Variants in PCDH15 observed in about 807,000 individuals in gnomAD.
The protein encoded by PCDH15 is protocadherin related 15.
PCDH15 carries 129 observed loss-of-function variants against 178.5 expected under a neutral mutation model. The ratio of observed to expected loss-of-function variants is 0.72; its 90% confidence interval spans 0.63 to 0.84. The LOEUF (loss-of-function observed/expected upper bound fraction) is 0.84. PCDH15 is among the 40% of genes least tolerant of loss of function. The probability of loss-of-function intolerance (pLI) is 0.00; values close to 1 mark genes in which losing one functional copy is unlikely to be tolerated. For missense variants in PCDH15, 2,230 were observed against 2,099.9 expected (o/e 1.06, Z -1.21); for synonymous variants, 800 against 732.0 (o/e 1.09, Z -1.50).
chr10:54,158,622 A>G (rs1033547456), intron 13 of PCDH15, among the ~76,000 whole-genome samples: 6 of 152,342 alleles, frequency 3.9e-5, no homozygotes, highest in African/African-American at 1.4e-4. Flanking sequence ...CTGATAAAAA[A>G]AATACAGCTT....
chr10:54,964,368 T>G (rs1838729734), intron 2 of PCDH15, among the ~76,000 whole-genome samples: 2 of 152,192 alleles, frequency 1.3e-5, no homozygotes, highest in Non-Finnish European at 2.9e-5. Flanking sequence ...CCCCAAACAC[T>G]TAGAAAGTAG....
chr10:53,843,684 A>G (rs2077798572), intron 28 of PCDH15, among the ~76,000 whole-genome samples: 2 of 151,976 alleles, frequency 1.3e-5, no homozygotes, highest in South Asian at 4.1e-4. Flanking sequence ...CCTCTCCCCA[A>G]CTTCGTGATA....
intron 3 of PCDH15, among the ~76,000 whole-genome samples, chr10:54,422,463 C>T (rs1258006797): frequency 6.6e-6 from 1 of 152,090 alleles, no homozygotes; most frequent in Non-Finnish European, 1.5e-5. Flanking sequence ...TCACTTCACA[C>T]ATAGTAATGA....
chr10:54,040,301 A>G (rs2093514640), intron 18 of PCDH15, among the ~76,000 whole-genome samples: 1 of 151,864 alleles, frequency 6.6e-6, no homozygotes. Flanking sequence ...GGTTTCCTCC[A>G]TACTGTTCTC....
chr10:55,145,621 G>A (rs1325673294), intron 2 of PCDH15, among the ~76,000 whole-genome samples: 1 of 151,968 alleles, frequency 6.6e-6, no homozygotes, highest in Non-Finnish European at 1.5e-5. Flanking sequence ...TGTTTTGGAA[G>A]TAGATGACAT....
chr10:54,681,877 T>G (rs1183111356), intron 1 of PCDH15, among the ~76,000 whole-genome samples: 2 of 152,112 alleles, frequency 1.3e-5, no homozygotes, highest in East Asian at 3.9e-4. Context: ...ACCTGCACAG[T>G]AAGAGAAAAG....
intron 3 of PCDH15, among the ~76,000 whole-genome samples, chr10:54,426,370 C>T (rs1416898840): frequency 7.9e-5 from 12 of 152,126 alleles, no homozygotes; most frequent in South Asian, 2.1e-4. Context: ...TCATAAGGAG[C>T]GTGCAACCTA....
At chr10:55,108,847 A>C (rs141140990) in intron 2 of PCDH15, among the ~76,000 whole-genome samples, 26 of 152,296 alleles carry the variant, frequency 1.7e-4, no homozygotes, top group African/African-American at 5.5e-4. Flanking sequence ...ACTGCCTGGA[A>C]ATGTTGTGAC....
At chr10:54,269,499 T>C (rs1430375350) in intron 8 of PCDH15, among the ~76,000 whole-genome samples, 1 of 151,986 alleles carries the variant, frequency 6.6e-6, no homozygotes, top group East Asian at 1.9e-4. Context: ...CCTGTATCTG[T>C]CAAGCTTTAC....
chr10:54,912,191 T>C (rs1193419482), intron 2 of PCDH15, among the ~76,000 whole-genome samples: 1 of 152,130 alleles, frequency 6.6e-6, no homozygotes, highest in African/African-American at 2.4e-5. Context: ...TATAAATAAA[T>C]GCTAATTCAG....
intron 18 of PCDH15, among the ~76,000 whole-genome samples, chr10:54,028,879 G>A (rs906268763): frequency 2.7e-5 from 4 of 150,482 alleles, no homozygotes; most frequent in African/African-American, 4.9e-5. Flanking sequence ...CATGGCACAT[G>A]TATACATATG....
At chr10:54,199,664 A>G (rs2050037594) in intron 10 of PCDH15, among the ~76,000 whole-genome samples, 1 of 151,626 alleles carries the variant, frequency 6.6e-6, no homozygotes, top group African/African-American at 2.4e-5. Flanking sequence ...TCCATACAAT[A>G]TAAATAAGGG....
chr10:55,185,368 T>C (rs937064372), intron 1 of PCDH15, among the ~76,000 whole-genome samples: 3 of 151,770 alleles, frequency 2.0e-5, no homozygotes, highest in African/African-American at 7.2e-5. Flanking sequence ...ATTGAAACTT[T>C]CTATAAACTA....
At chr10:54,114,308 A>G (rs1240990053) in intron 15 of PCDH15, among the ~76,000 whole-genome samples, 1 of 152,188 alleles carries the variant, frequency 6.6e-6, no homozygotes, top group Non-Finnish European at 1.5e-5. Context: ...AAAAAACAAG[A>G]TGGTTATCAT....
intron 1 of PCDH15, among the ~76,000 whole-genome samples, chr10:55,284,835 G>T (rs965735844): frequency 6.6e-6 from 1 of 151,936 alleles, no homozygotes; most frequent in Admixed American, 6.6e-5. Flanking sequence ...TAAAATCTTG[G>T]TGTGTATTTT....
intron 2 of PCDH15, among the ~76,000 whole-genome samples, chr10:54,640,728 G>A (rs1441955640): frequency 2.0e-5 from 3 of 151,874 alleles, no homozygotes; most frequent in Non-Finnish European, 4.4e-5. Context: ...GAGGAAGAGT[G>A]GAAGAATTAG....
intron 14 of PCDH15, among the ~76,000 whole-genome samples, chr10:54,135,139 G>T (rs1032649568): frequency 1.3e-5 from 2 of 150,542 alleles, no homozygotes; most frequent in African/African-American, 4.9e-5. Flanking sequence ...GGAGACGGAG[G>T]TTGTAGTGAC....
chr10:55,341,797 A>ATC (rs1844591940), intron 2 of PCDH15, among the ~76,000 whole-genome samples: 1 of 11,348 alleles, frequency 8.8e-5, no homozygotes, highest in Non-Finnish European at 1.7e-4. Context: ...ATATATATAT[A>ATC]TATATATATT....
At chr10:54,319,782 C>T (rs1012959032) in intron 7 of PCDH15, among the ~76,000 whole-genome samples, 2 of 143,124 alleles carry the variant, frequency 1.4e-5, no homozygotes, top group African/African-American at 5.2e-5. Context: ...ATTTGCCTTC[C>T]AATTAAAAAA....
Sources: allele counts gnomAD v4.1 joint callset (sites outside exome capture counted in the v4.1 genomes callset), GRCh38; gene constraint gnomAD v4.1.1; transcripts MANE v1.5; gene names NCBI Gene and HGNC (gene_info 2026-07-23, HGNC 2026-07-21).